The following SLC5A3 variants were observed in gnomAD, a reference collection of about 807,000 sequenced individuals.
The protein encoded by SLC5A3 is sodium/myo-inositol cotransporter.
A neutral mutation model predicts 43.2 loss-of-function variants in SLC5A3; 10 were observed. That is an observed-to-expected ratio of 0.23 (90% CI 0.14 to 0.39). SLC5A3 has a LOEUF of 0.39. SLC5A3 is among the 10% of genes least tolerant of loss of function. The pLI, the probability that SLC5A3 is intolerant of heterozygous loss-of-function variation, is 1.00. For missense variants in SLC5A3, 608 were observed against 893.4 expected, an observed-to-expected ratio of 0.68 and a Z score of 4.07; for synonymous variants, 349 against 322.0, an observed-to-expected ratio of 1.08 and a Z score of -0.90.
chr21:34,103,624 A>G lies in SLC5A3; in HGVS notation c.*6269A>G, dbSNP rs1979347366. The G allele has an allele frequency of 4.0e-6, 4 of 1,000,006 alleles. No homozygotes were observed. Among genetic ancestry groups the G allele is most frequent in the Admixed American group, 6.2e-5 (1 of 16,250 alleles). The allele number at this position is 1,000,006 out of a possible 1,614,324, so 61.9% of individuals were successfully genotyped here. ...ACCCACACATAGAAAGCACAAGACTAATAGTATTCTCTGTATCCCACAAGT... is the reference window on the plus strand; with the variant it reads ...ACCCACACATAGAAAGCACAAGACTGATAGTATTCTCTGTATCCCACAAGT... On this transcript the variant is annotated 3_prime_UTR_variant, in exon 2 of 2. Coordinates refer to ENST00000381151, the MANE Select transcript of SLC5A3 (RefSeq NM_006933.7).
intron 1 of SLC5A3, among the ~76,000 whole-genome samples, chr21:34,073,949 C>CG: frequency 6.9e-6 from 1 of 145,308 alleles, no homozygotes; most frequent in Non-Finnish European, 1.5e-5. Context: ...GCGCGGGAGG[C>CG]GGGGGTGTGC....
chr21:34,097,078 C>T lies in SLC5A3; in HGVS notation c.1880C>T (p.Pro627Leu). Reference protein sequence around the residue: ...ASLGHSEAETPVDAYSNGQAA... With the variant: ...ASLGHSEAETLVDAYSNGQAA... ...TTAGGTCATTCAGAGGCAGAAACAC[C>T]AGTTGACGCTTACTCCAATGGGCAA... Residue 627 changes from proline to leucine, a missense_variant, in exon 2 of 2, where the codon CCA (proline) becomes CTA (leucine). Coordinates refer to ENST00000381151, the MANE Select transcript of SLC5A3 (RefSeq NM_006933.7). 6.2e-7 allele frequency: 1 copy of T among 1,614,032 alleles called. No homozygotes were observed. Among genetic ancestry groups the T allele is most frequent in the Non-Finnish European group, 8.5e-7 (1 of 1,179,978 alleles).
At position 34,103,332 on chromosome 21, in the gene SLC5A3, C is replaced by T. The variant is rs199501209; in HGVS notation, c.*5977C>T. Reference sequence around the variant, plus strand: ...GAAGGAAGTAAAAAAAAAAAAAAAACATGCATTACATTGACATACTTTATG... The same window carrying T: ...GAAGGAAGTAAAAAAAAAAAAAAAATATGCATTACATTGACATACTTTATG... On this transcript the variant is annotated 3_prime_UTR_variant, in exon 2 of 2. Transcript: ENST00000381151. 1.5e-6 allele frequency: 1 copy of T among 656,938 alleles called. No homozygotes were observed. Among genetic ancestry groups the T allele is most frequent in the Non-Finnish European group, 1.9e-6 (1 of 540,000 alleles). 40.7% of individuals were successfully genotyped at this position (656,938 alleles called of 1,614,324 possible). A position where few individuals can be genotyped will look rare whatever the true frequency, so the allele number is the denominator to read the frequency against.
At chr21:34,079,666 A>G (rs911795806) in intron 1 of SLC5A3, among the ~76,000 whole-genome samples, 2 of 117,054 alleles carry the variant, frequency 1.7e-5, no homozygotes, top group African/African-American at 6.7e-5. Flanking sequence ...GTTGGCCAGG[A>G]TGGTCTCAAT....
At position 34,102,608 on chromosome 21, in the gene SLC5A3, T is replaced by C. The variant is rs73899969; in HGVS notation, c.*5253T>C. 4,504 of 1,000,192 alleles carry C rather than the reference T, an allele frequency of 4.5e-3. 141 individuals are homozygous for C. In the African/African-American group the frequency reaches 0.065, roughly 14 times the overall value. 62.0% of individuals were successfully genotyped at this position (1,000,192 alleles called of 1,614,324 possible). ...GAGGCTATTGACTTAAACCAATAAC[T>C]GTACTTTATGTAATGACTCTTAAAT... On this transcript the variant is annotated 3_prime_UTR_variant, in exon 2 of 2. Transcript: ENST00000381151.
chr21:34,079,597 AG>A (rs1287521104), intron 1 of SLC5A3, among the ~76,000 whole-genome samples: 2 of 120,532 alleles, frequency 1.7e-5, no homozygotes, highest in Non-Finnish European at 3.2e-5. Flanking sequence ...CACCAGACCC[AG>A]CTAATTTTTT....
chr21:34,076,422 T>C (rs947386901), intron 1 of SLC5A3, among the ~76,000 whole-genome samples: 4 of 152,116 alleles, frequency 2.6e-5, no homozygotes, highest in Non-Finnish European at 4.4e-5. Flanking sequence ...GATTTCAGAG[T>C]GTATTATGTA....
intron 1 of SLC5A3, among the ~76,000 whole-genome samples, chr21:34,085,562 A>G (rs548372032): frequency 4.7e-5 from 7 of 147,932 alleles, no homozygotes; most frequent in South Asian, 2.1e-4. Flanking sequence ...TAGATATATC[A>G]TTTCACCTGT....
chr21:34,083,318 G>A (rs998602752), intron 1 of SLC5A3, among the ~76,000 whole-genome samples: 1 of 152,198 alleles, frequency 6.6e-6, no homozygotes, highest in Non-Finnish European at 1.5e-5. Context: ...GAAAGGTGCA[G>A]AATCAGTGTA....
At chr21:34,077,575 A>C (rs573034656) in intron 1 of SLC5A3, among the ~76,000 whole-genome samples, 7 of 152,338 alleles carry the variant, frequency 4.6e-5, no homozygotes, top group African/African-American at 1.7e-4. Context: ...TAGCATTTAT[A>C]TATATATATC....
At chr21:34,082,524 TA>T (rs1989482290) in intron 1 of SLC5A3, among the ~76,000 whole-genome samples, 1 of 152,006 alleles carries the variant, frequency 6.6e-6, no homozygotes, top group Admixed American at 6.5e-5. Flanking sequence ...TTGCTTTGCC[TA>T]GAAAATATTT....
rs763718792 is a variant in SLC5A3 at position 34,097,287 on chromosome 21, A to G, written c.2089A>G (p.Ile697Val). 1.7e-5 allele frequency: 28 copies of G among 1,612,570 alleles called. No individual in the cohort carries two copies. In the South Asian group the frequency reaches 3.0e-4, roughly 17 times the overall value. ...MLEETRQVKV[I>V]LNIGLFAVCS... The stretch of plus-strand genomic sequence containing the variant: ...AGAAGAGACTCGGCAAGTTAAAGTA[A>G]TACTAAATATTGGACTTTTTGCTGT... Residue 697 changes from isoleucine to valine, a missense_variant, in exon 2 of 2, where the codon ATA becomes GTA. By Grantham distance (29) the Ile-to-Val change is conservative (BLOSUM62 3). Transcript: ENST00000381151.
At chr21:34,090,744 G>A (rs999790723) in intron 1 of SLC5A3, among the ~76,000 whole-genome samples, 5 of 152,276 alleles carry the variant, frequency 3.3e-5, no homozygotes, top group African/African-American at 1.2e-4. Flanking sequence ...GAGCAAGTTG[G>A]TTTCATTTTA....
chr21:34,088,239 A>AC (rs35893476), intron 1 of SLC5A3, among the ~76,000 whole-genome samples: 152,323 of 152,324 alleles, frequency 1, 76,161 homozygotes, highest in Middle Eastern at 1. Context: ...TATAGAATAC[A>AC]CTTAAGACTT....
In SLC5A3 at chr21:34,095,656, C is replaced by G; in HGVS notation, c.458C>G (p.Ser153Cys). The change falls in exon 2 of 2, where the codon TCT becomes TGT. Residue 153 changes from serine to cysteine, a missense_variant. Physicochemically the swap from Ser to Cys is moderately radical, Grantham distance 112. This residue lies in a region of SLC5A3 where 398 missense variants were observed against 668.6 expected (regional missense o/e 0.60). Coordinates refer to ENST00000381151, the MANE Select transcript of SLC5A3 (RefSeq NM_006933.7). ...LYSGALFIQE[S>C]LGWNLYVSVI... ...TCGGGTGCCCTTTTTATCCAGGAGT[C>G]TTTGGGTTGGAATCTTTATGTGTCT... The G allele has an allele frequency of 6.2e-7, 1 of 1,613,526 alleles. No homozygotes were observed. Among genetic ancestry groups the G allele is most frequent in the Non-Finnish European group, 8.5e-7 (1 of 1,179,858 alleles).
At position 34,097,257 on chromosome 21, in the gene SLC5A3, A is replaced by T. The variant is rs1979007991; in HGVS notation, c.2059A>T (p.Met687Leu). The part of the protein sequence containing the change: ...LMEEEAVCLQ[M>L]LEETRQVKVI... ...GGAAGAGGAGGCTGTTTGTTTACAG[A>T]TGCTAGAAGAGACTCGGCAAGTTAA... Residue 687 changes from methionine (M) to leucine (L), a missense_variant, in exon 2 of 2, where the codon ATG (methionine) becomes TTG (leucine). Coordinates refer to ENST00000381151, the MANE Select transcript of SLC5A3 (RefSeq NM_006933.7). The T allele has an allele frequency of 6.2e-7, 1 of 1,613,946 alleles. No homozygotes were observed. The highest frequency in any genetic ancestry group is 1.3e-5 in the African/African-American group (1 of 74,932).
Position 34,096,227 on chromosome 21 carries a change from A to C in SLC5A3, c.1029A>C (p.Arg343Ser), listed in dbSNP as rs753263598. The C allele has an allele frequency of 6.2e-7, 1 of 1,614,172 alleles. No individual in the cohort carries two copies. Among genetic ancestry groups the C allele is most frequent in the East Asian group, 2.2e-5 (1 of 44,874 alleles). Residue 343 changes from arginine (R) to serine (S), a missense_variant, in exon 2 of 2, where the codon AGA (arginine) becomes AGC (serine). Physicochemically the swap from Arg to Ser is moderately radical, Grantham distance 110. Around this residue, in one of 2 missense-constraint regions of SLC5A3, gnomAD observed 398 missense variants for 668.6 expected, o/e 0.60. Coordinates refer to ENST00000381151, the MANE Select transcript of SLC5A3 (RefSeq NM_006933.7). This position sits in a 1 kb window ranked among gnomAD's most constrained non-coding sequence, Gnocchi z 5.9. ...ACTGCATGCTGGTGTGTGGAAGCAG[A>C]GCTGGTTGCTCCAATATTGCTTACC... ...PEHCMLVCGS[R>S]AGCSNIAYPR...
intron 1 of SLC5A3, among the ~76,000 whole-genome samples, chr21:34,083,918 A>T (rs1602910080): frequency 6.6e-6 from 1 of 152,258 alleles, no homozygotes; most frequent in African/African-American, 2.4e-5. Flanking sequence ...GTCATCTGGC[A>T]TACAAAGAAA....
Position 34,105,566 on chromosome 21 carries a change from A to G in SLC5A3, c.*8211A>G. ...GTGTCCTGCTTATGATGCTTTGTTC[A>G]GATTTTTTGTAAGAGACCAGTTAGT... On this transcript the variant is annotated 3_prime_UTR_variant, in exon 2 of 2. Transcript: ENST00000381151. The G allele has an allele frequency of 2.0e-6, 2 of 999,970 alleles. No individual in the cohort carries two copies. Among genetic ancestry groups the G allele is most frequent in the Non-Finnish European group, 2.4e-6 (2 of 829,778 alleles). The allele number at this position is 999,970 out of a possible 1,614,324, so 61.9% of individuals were successfully genotyped here. A position where few individuals can be genotyped will look rare whatever the true frequency, so the allele number is the denominator to read the frequency against.
Sources: allele counts gnomAD v4.1 joint callset (sites outside exome capture counted in the v4.1 genomes callset), GRCh38; gene constraint gnomAD v4.1.1; regional missense constraint gnomAD v4.1.1; non-coding constraint Gnocchi (gnomAD v3.1); transcripts MANE v1.5; gene names NCBI Gene and HGNC (gene_info 2026-07-23, HGNC 2026-07-21).